LPCAT2: variants seen among roughly 807,000 people sequenced by gnomAD.
LPCAT2 encodes 1-AGP acyltransferase 11.
Under a neutral mutation model 64.7 loss-of-function variants are expected in LPCAT2, and 58 were observed. The ratio of observed to expected loss-of-function variants is 0.90; its 90% confidence interval spans 0.73 to 1.12. The LOEUF (loss-of-function observed/expected upper bound fraction) is 1.12. Among genes scored for constraint, LPCAT2 ranks in the 50% most tolerant of loss-of-function variants. LPCAT2 has a pLI of 0.00. For missense variants in LPCAT2, 579 were observed against 669.8 expected, an observed-to-expected ratio of 0.86 and a Z score of 1.50; for synonymous variants, 252 against 245.3, an observed-to-expected ratio of 1.03 and a Z score of -0.26.
chr16:55,551,244 T>G (rs1272300137), intron 11 of LPCAT2, 142 bp downstream of exon 11: 2 of 588,638 alleles, frequency 3.4e-6, no homozygotes, highest in Non-Finnish European at 5.3e-6. Flanking sequence ...CATGATTTTG[T>G]TTTTTTCTCC....
At chr16:55,577,600 T>C (rs1468551478) in intron 12 of LPCAT2, among the ~76,000 whole-genome samples, 2 of 152,148 alleles carry the variant, frequency 1.3e-5, no homozygotes, top group Non-Finnish European at 2.9e-5. Context: ...TCAGTGCTTA[T>C]AAAAAGTAAG....
At chr16:55,572,897 T>C (rs1963786739) in intron 11 of LPCAT2, among the ~76,000 whole-genome samples, 1 of 152,100 alleles carries the variant, frequency 6.6e-6, no homozygotes, top group South Asian at 2.1e-4. Flanking sequence ...TTTGGTTGAA[T>C]GTAAATGTAA....
At chr16:55,551,404 A>G (rs1501994) in intron 11 of LPCAT2, 13,391 of 153,850 alleles carry the variant, frequency 0.087, 826 homozygotes, top group African/African-American at 0.17. Flanking sequence ...TTTAAATACC[A>G]GGTCAGAAAT....
chr16:55,557,266 T>C (rs1963587579), intron 11 of LPCAT2, among the ~76,000 whole-genome samples: 1 of 152,070 alleles, frequency 6.6e-6, no homozygotes, highest in South Asian at 2.1e-4. Context: ...TATCTCTCTG[T>C]CTCTGTCTCT....
Position 55,574,733 on chromosome 16 carries a change from C to T in LPCAT2, c.1314+4C>T, listed in dbSNP as rs367953416. 1.2e-4 allele frequency: 191 copies of T among 1,609,618 alleles called. No individual in the cohort carries two copies. The highest frequency in any genetic ancestry group is 1.6e-4 in the Non-Finnish European group (183 of 1,176,230). Reference sequence around the variant, plus strand: ...GATCATCCAGGTGGCATTTAAGGTACTGTCAGCCCCATTGAAAGCATCTTG... The same window carrying T: ...GATCATCCAGGTGGCATTTAAGGTATTGTCAGCCCCATTGAAAGCATCTTG... On this transcript the variant is annotated splice_donor_region_variant and intron_variant, in intron 12 of 13. Coordinates refer to ENST00000262134, the MANE Select transcript of LPCAT2 (RefSeq NM_017839.5).
At chr16:55,546,386 T>C (rs1438582401) in intron 9 of LPCAT2, among the ~76,000 whole-genome samples, 1 of 152,190 alleles carries the variant, frequency 6.6e-6, no homozygotes, top group Non-Finnish European at 1.5e-5. Context: ...GAATGTATTA[T>C]ACTATACCAC....
chr16:55,554,207 A>G (rs1963549827), intron 11 of LPCAT2, among the ~76,000 whole-genome samples: 1 of 152,194 alleles, frequency 6.6e-6, no homozygotes, highest in Admixed American at 6.5e-5. Flanking sequence ...CAAAAGGATC[A>G]GCCTGTCTTT....
At chr16:55,552,968 G>T (rs992117178) in intron 11 of LPCAT2, among the ~76,000 whole-genome samples, 1 of 152,208 alleles carries the variant, frequency 6.6e-6, no homozygotes, top group African/African-American at 2.4e-5. Flanking sequence ...GGGTTCAGTG[G>T]CTCATGCCTG....
chr16:55,556,259 G>A (rs28649571), intron 11 of LPCAT2, among the ~76,000 whole-genome samples: 13,233 of 152,148 alleles, frequency 0.087, 818 homozygotes, highest in African/African-American at 0.17. Context: ...TAAAATGTAT[G>A]TATATATGAA....
At chr16:55,516,850 G>A (rs1410430748) in intron 1 of LPCAT2, among the ~76,000 whole-genome samples, 1 of 152,132 alleles carries the variant, frequency 6.6e-6, no homozygotes, top group East Asian at 1.9e-4. Flanking sequence ...TAGTGCCCAT[G>A]GAACATTTGC....
At chr16:55,567,222 T>C (rs769999817) in intron 11 of LPCAT2, 45 of 1,613,790 alleles carry the variant, frequency 2.8e-5, no homozygotes, top group Non-Finnish European at 3.8e-5. Context: ...GAAATGGCAG[T>C]GTGTTTATAA....
chr16:55,518,661 A>G (rs1296445557), intron 1 of LPCAT2, among the ~76,000 whole-genome samples: 1 of 152,252 alleles, frequency 6.6e-6, no homozygotes, highest in Non-Finnish European at 1.5e-5. Context: ...CAGGATTGCC[A>G]AGACAATAAA....
At chr16:55,516,854 C>T (rs1158766013) in intron 1 of LPCAT2, among the ~76,000 whole-genome samples, 2 of 152,160 alleles carry the variant, frequency 1.3e-5, no homozygotes, top group African/African-American at 4.8e-5. Flanking sequence ...GCCCATGGAA[C>T]ATTTGCCAAG....
chr16:55,545,966 G>A lies in LPCAT2; in HGVS notation c.935+149G>A, dbSNP rs182308041. 8.2e-6 allele frequency: 5 copies of A among 613,072 alleles called. No individual in the cohort carries two copies. The Admixed American group carries it at 1.5e-4, about 18-fold the overall frequency. The allele number at this position is 613,072 out of a possible 1,614,324, so 38.0% of individuals were successfully genotyped here. The stretch of plus-strand genomic sequence containing the variant: ...CGTAAAATAATGTGCCCAGGGATGA[G>A]GTCAGTATAACAATCTATAAGTATT... On this transcript the variant is annotated intron_variant, in intron 9 of 13. Transcript: ENST00000262134.
chr16:55,548,203 A>G, intron 9 of LPCAT2, among the ~76,000 whole-genome samples: 1 of 152,212 alleles, frequency 6.6e-6, no homozygotes, highest in African/African-American at 2.4e-5. Context: ...TTTAGTGAAG[A>G]GGAATGTTTA....
intron 6 of LPCAT2, among the ~76,000 whole-genome samples, chr16:55,533,864 T>C (rs1397319524): frequency 6.6e-6 from 1 of 152,186 alleles, no homozygotes; most frequent in Non-Finnish European, 1.5e-5. Context: ...GAACTTTCTT[T>C]ACTAGAGAAT....
chr16:55,514,785 T>C (rs1260941393), intron 1 of LPCAT2, among the ~76,000 whole-genome samples: 1 of 152,122 alleles, frequency 6.6e-6, no homozygotes, highest in Admixed American at 6.5e-5. Context: ...AAATCAGATA[T>C]TTAAAATATG....
rs775711711 is a variant in LPCAT2, at chr16:55,529,883, AT to A, written c.580del (p.Ser194ProfsTer6). On this transcript the variant is annotated frameshift_variant, in exon 4 of 14. Transcript: ENST00000262134. LOFTEE classifies it high-confidence loss of function. ...QPVLVSRVDP[D>X]SRKNTINEII... ...GTTTTGGTGTCCCGTGTAGATCCGG[AT>A]TCCCGAAAAAACACAATAAATGAAA... 9.3e-6 allele frequency: 13 copies of A among 1,395,910 alleles called. No homozygotes were observed. The East Asian group carries it at 3.3e-4, about 35-fold the overall frequency. 86.5% of individuals were successfully genotyped at this position (1,395,910 alleles called of 1,614,324 possible).
intron 11 of LPCAT2, among the ~76,000 whole-genome samples, chr16:55,558,480 A>G (rs1373856154): frequency 7.9e-5 from 12 of 152,220 alleles, no homozygotes; most frequent in African/African-American, 2.9e-4. Context: ...AAACTTGCCA[A>G]TATACCATAT....
Sources: gnomAD v4.1 joint callset for allele counts (sites outside exome capture counted in the v4.1 genomes callset) on GRCh38, gnomAD v4.1.1 for gene constraint, MANE v1.5 for transcripts, NCBI Gene and HGNC (gene_info 2026-07-23, HGNC 2026-07-21) for gene names.